Variants in ZNF831 observed in about 807,000 individuals in gnomAD.
ZNF831 encodes the protein chromosome 20 open reading frame 174.
ZNF831 carries 59 observed loss-of-function variants against 95.8 expected under a neutral mutation model. The observed-to-expected ratio is 0.62, with a 90% CI of 0.50 to 0.77. The LOEUF (loss-of-function observed/expected upper bound fraction) is 0.77, where lower values mean the gene tolerates loss of function less well. Among genes scored for constraint, ZNF831 ranks in the 30% least tolerant of loss-of-function variants. ZNF831 has a pLI of 0.00. For missense variants in ZNF831, 2,205 were observed against 2,164.0 expected, an observed-to-expected ratio of 1.02 and a Z score of -0.38; for synonymous variants, 961 against 925.5, an observed-to-expected ratio of 1.04 and a Z score of -0.70.
chr20:59,179,656 G>T (rs1982452233), intron 1 of ZNF831, among the ~76,000 whole-genome samples: 1 of 152,166 alleles, frequency 6.6e-6, no homozygotes, highest in South Asian at 2.1e-4. Context: ...CCGTCCTCGC[G>T]TGGGTCTTCG....
intron 4 of ZNF831, among the ~76,000 whole-genome samples, chr20:59,251,345 C>T (rs1299921056): frequency 6.6e-6 from 1 of 152,136 alleles, no homozygotes; most frequent in East Asian, 1.9e-4. Flanking sequence ...AAGATTTCAT[C>T]CAAAGGACCA....
At position 59,163,856 on chromosome 20, in the gene ZNF831, G is replaced by A. The variant is rs1347434403; in HGVS notation, c.-388G>A. On this transcript the variant is annotated 5_prime_UTR_variant, in exon 1 of 6. Coordinates refer to ENST00000371030, the MANE Select transcript of ZNF831 (RefSeq NM_178457.3). ...TTATCTCTGCTTGAGTCTCTTCCAG[G>A]TTGCTTGAAATGGTGCTTTTCTCAG... Among the ~76,000 whole-genome samples, 1 of 152,016 alleles carries A rather than the reference G, an allele frequency of 6.6e-6. No homozygotes were observed. The highest frequency in any genetic ancestry group is 1.5e-5 in the Non-Finnish European group (1 of 68,024).
At chr20:59,209,834 G>A (rs961416052) in intron 4 of ZNF831, among the ~76,000 whole-genome samples, 1 of 152,130 alleles carries the variant, frequency 6.6e-6, no homozygotes, top group Admixed American at 6.5e-5. Context: ...ACATCTTCAT[G>A]TGGACTTCTC....
intron 2 of ZNF831, 84 bp from the exon 3 acceptor site, chr20:59,195,785 T>C: frequency 2.0e-6 from 3 of 1,531,160 alleles, no homozygotes. Flanking sequence ...ACAGGCATCT[T>C]GTCTGCAGAG....
chr20:59,217,160 C>CTGTGTGTGTG lies in ZNF831; in HGVS notation c.4027+10105_4027+10106insGTGTGTGTGT, dbSNP rs1342165265. Among the ~76,000 whole-genome samples, 183 of 114,778 alleles carry CTGTGTGTGTG rather than the reference C, an allele frequency of 1.6e-3. 1 individual carries two copies. The highest frequency in any genetic ancestry group is 7.9e-3 in the African/African-American group (177 of 22,330). 75.3% of individuals were successfully genotyped at this position (114,778 alleles called of 152,430 possible). On this transcript the variant is annotated intron_variant, in intron 4 of 5. Transcript: ENST00000371030. The surrounding 1 kb of genome is among the most constrained non-coding windows in gnomAD (Gnocchi z 4.4). ...TGGAGTACATCTGACAGATCTTCAT[C>CTGTGTGTGTG]TCTGTGTGTGTGTGTGTGTGTGTGT...
chr20:59,179,069 A>T (rs1321869798), intron 1 of ZNF831, among the ~76,000 whole-genome samples: 1 of 152,050 alleles, frequency 6.6e-6, no homozygotes, highest in Non-Finnish European at 1.5e-5. Flanking sequence ...ACCTCTTCCC[A>T]CTAGTTGTCC....
At chr20:59,204,117 G>C (rs1300472794) in intron 3 of ZNF831, among the ~76,000 whole-genome samples, 1 of 152,206 alleles carries the variant, frequency 6.6e-6, no homozygotes, top group African/African-American at 2.4e-5. Flanking sequence ...ATGGGAGAAG[G>C]GCACTCTATA....
At chr20:59,159,236 G>A (rs1303047886), upstream of ZNF831, among the ~76,000 whole-genome samples, 2 of 151,780 alleles carry the variant, frequency 1.3e-5, no homozygotes, top group African/African-American at 4.8e-5. Context: ...CCCTAACAAA[G>A]TCCTGGTGGG....
chr20:59,141,768 A>T (rs1024534097), intron 1 of ZNF831, among the ~76,000 whole-genome samples: 14 of 152,258 alleles, frequency 9.2e-5, no homozygotes, highest in African/African-American at 2.9e-4. Flanking sequence ...TTACAACTTT[A>T]TTTAAAAGGA....
At chr20:59,148,595 GC>G (rs1232206036) in intron 2 of ZNF831, among the ~76,000 whole-genome samples, 6 of 132,566 alleles carry the variant, frequency 4.5e-5, no homozygotes, top group Admixed American at 4.4e-4. Context: ...CAGGAGAATG[GC>G]GTGAACCCGG....
intron 4 of ZNF831, among the ~76,000 whole-genome samples, chr20:59,246,961 C>T (rs1987642107): frequency 6.6e-6 from 1 of 152,216 alleles, no homozygotes; most frequent in Non-Finnish European, 1.5e-5. Flanking sequence ...TCCAACGTCT[C>T]CCATTCTCTC....
At chr20:59,225,897 A>T (rs1986392561) in intron 4 of ZNF831, among the ~76,000 whole-genome samples, 1 of 152,236 alleles carries the variant, frequency 6.6e-6, no homozygotes, top group African/African-American at 2.4e-5. Context: ...GTGATGAAAG[A>T]GCCCAGGGTA....
intron 4 of ZNF831, among the ~76,000 whole-genome samples, chr20:59,218,492 C>T (rs1985854367): frequency 6.6e-6 from 1 of 152,162 alleles, no homozygotes; most frequent in African/African-American, 2.4e-5. Flanking sequence ...TTGCTTCAAG[C>T]TCAGCTGGGT....
rs937589672 is a variant in ZNF831 at position 59,208,256 on chromosome 20, C to A, written c.4027+1200C>A. Among the ~76,000 whole-genome samples, 4 of 152,232 alleles carry A rather than the reference C, an allele frequency of 2.6e-5. No individual in the cohort carries two copies. Among genetic ancestry groups the A allele is most frequent in the South Asian group, 4.1e-4 (2 of 4,834 alleles). On this transcript the variant is annotated intron_variant, in intron 4 of 5. Coordinates refer to ENST00000371030, the MANE Select transcript of ZNF831 (RefSeq NM_178457.3). This position sits in a 1 kb window ranked among gnomAD's most constrained non-coding sequence, Gnocchi z 4.2. ...TCTCAACCTCACCTCCATCTCCCTC[C>A]TCTGTATCCAGCGAAATTGCCCATT...
chr20:59,227,749 C>T (rs1986507407), intron 4 of ZNF831, among the ~76,000 whole-genome samples: 1 of 152,142 alleles, frequency 6.6e-6, no homozygotes, highest in African/African-American at 2.4e-5. Context: ...CCATCATAAA[C>T]ACCTCAGTGG....
intron 1 of ZNF831, among the ~76,000 whole-genome samples, chr20:59,129,734 G>T (rs1225329869): frequency 6.6e-6 from 1 of 152,162 alleles, no homozygotes; most frequent in Non-Finnish European, 1.5e-5. Context: ...AGCACTCATT[G>T]GTTCTCCACC....
At chr20:59,199,448 TTAAAG>T (rs961464700) in intron 3 of ZNF831, among the ~76,000 whole-genome samples, 1 of 152,150 alleles carries the variant, frequency 6.6e-6, no homozygotes, top group African/African-American at 2.4e-5. Context: ...TTTGGTGTCT[TTAAAG>T]TACACATAAA....
chr20:59,135,830 C>T (rs1200457226), intron 1 of ZNF831, among the ~76,000 whole-genome samples: 1 of 152,168 alleles, frequency 6.6e-6, no homozygotes, highest in Non-Finnish European at 1.5e-5. Context: ...CCATGACTTT[C>T]AGTGGCCACA....
At chr20:59,188,970 C>T (rs1357658085) in intron 1 of ZNF831, among the ~76,000 whole-genome samples, 1 of 152,150 alleles carries the variant, frequency 6.6e-6, no homozygotes, top group Non-Finnish European at 1.5e-5. Context: ...CACCCGAAGT[C>T]AGGAGTTCGA....
Sources: allele counts gnomAD v4.1 joint callset (sites outside exome capture counted in the v4.1 genomes callset), GRCh38; gene constraint gnomAD v4.1.1; non-coding constraint Gnocchi (gnomAD v3.1); transcripts MANE v1.5; gene names NCBI Gene and HGNC (gene_info 2026-07-23, HGNC 2026-07-21).